Variants in PPP6R3 observed in about 807,000 individuals in gnomAD.
PPP6R3 encodes the protein serine/threonine-protein phosphatase 6 regulatory subunit 3.
Under a neutral mutation model 110.7 loss-of-function variants are expected in PPP6R3, and 38 were observed. The observed-to-expected ratio is 0.34, with a 90% CI of 0.26 to 0.45. PPP6R3 has a LOEUF of 0.45. Ranked by LOEUF, PPP6R3 falls within the 20% of genes least tolerant of loss-of-function variation. PPP6R3 has a pLI of 1.00. For synonymous variants in PPP6R3, 369 were observed against 373.5 expected (o/e 0.99, Z 0.14); for missense variants, 870 against 1,062.4 (o/e 0.82, Z 2.52).
At chr11:68,564,517 C>A in intron 9 of PPP6R3, 85 bp downstream of exon 9, 1 of 1,442,168 alleles carries the variant, frequency 6.9e-7, no homozygotes, top group Non-Finnish European at 9.5e-7. Context: ...TTAGGAGTGG[C>A]AGAACTGGCT....
rs956184081 is a variant in PPP6R3, at chr11:68,609,710, G to A, written c.2451-194G>A. On this transcript the variant is annotated intron_variant, in intron 22 of 23. Coordinates refer to ENST00000393800, the MANE Select transcript of PPP6R3 (RefSeq NM_001164161.2). The stretch of plus-strand genomic sequence containing the variant: ...CCTGTTTTGGTTCCCACCTGTGTGC[G>A]ACCCTTTCCTTTTGTGATTCCCCAG... 29 of 1,573,204 alleles carry A rather than the reference G, an allele frequency of 1.8e-5. No individual in the cohort carries two copies. In the South Asian group the frequency reaches 2.0e-4, roughly 11 times the overall value.
chr11:68,472,056 T>C (rs2098795786), intron 1 of PPP6R3, among the ~76,000 whole-genome samples: 1 of 152,158 alleles, frequency 6.6e-6, no homozygotes, highest in Non-Finnish European at 1.5e-5. Context: ...TGGAATGGCC[T>C]ACCTGAGGGT....
At chr11:68,465,456 A>G (rs566573980) in intron 1 of PPP6R3, among the ~76,000 whole-genome samples, 2 of 152,330 alleles carry the variant, frequency 1.3e-5, no homozygotes, top group East Asian at 3.9e-4. Context: ...TAGTTTATGG[A>G]ATGGAAGAAT....
At chr11:68,482,939 T>C (rs866453854) in intron 1 of PPP6R3, among the ~76,000 whole-genome samples, 22 of 152,304 alleles carry the variant, frequency 1.4e-4, no homozygotes, top group Admixed American at 6.5e-4. Context: ...GGTCTACCTC[T>C]TTCTTTTTAA....
intron 18 of PPP6R3, among the ~76,000 whole-genome samples, chr11:68,592,656 G>C (rs2099599069): frequency 6.6e-6 from 1 of 152,162 alleles, no homozygotes; most frequent in African/African-American, 2.4e-5. Flanking sequence ...ATTTATTCCT[G>C]CTCTCGTCTT....
chr11:68,585,250 C>G (rs915223123), intron 15 of PPP6R3, among the ~76,000 whole-genome samples: 1 of 152,190 alleles, frequency 6.6e-6, no homozygotes, highest in Non-Finnish European at 1.5e-5. Context: ...GTGAGGCCCC[C>G]ATGGAGGTCT....
chr11:68,484,712 G>A (rs879411047), intron 1 of PPP6R3, among the ~76,000 whole-genome samples: 12 of 151,724 alleles, frequency 7.9e-5, no homozygotes, highest in Non-Finnish European at 1.8e-4. Context: ...CTCAGCCTCC[G>A]GAGTAGCTGA....
At chr11:68,485,690 G>T (rs2153408753) in intron 1 of PPP6R3, among the ~76,000 whole-genome samples, 1 of 152,058 alleles carries the variant, frequency 6.6e-6, no homozygotes, top group South Asian at 2.1e-4. Context: ...TTAATTAATT[G>T]ATTTAAAAAA....
intron 3 of PPP6R3, among the ~76,000 whole-genome samples, chr11:68,541,649 C>T (rs1055761516): frequency 2.0e-5 from 3 of 152,100 alleles, no homozygotes; most frequent in Non-Finnish European, 2.9e-5. Flanking sequence ...ACATGTAAAG[C>T]CACAAGGCTG....
chr11:68,567,764 G>A (rs943885390), intron 10 of PPP6R3, among the ~76,000 whole-genome samples: 3 of 152,122 alleles, frequency 2.0e-5, no homozygotes, highest in Admixed American at 6.5e-5. Flanking sequence ...CACAGAAAGC[G>A]CGAGGGTTAA....
At chr11:68,542,865 G>A (rs974778795) in intron 3 of PPP6R3, among the ~76,000 whole-genome samples, 11 of 152,150 alleles carry the variant, frequency 7.2e-5, no homozygotes, top group African/African-American at 2.7e-4. Context: ...TTGCTCATCT[G>A]GACTTTCTCT....
intron 9 of PPP6R3, among the ~76,000 whole-genome samples, chr11:68,565,559 G>GAAGAC (rs2153747747): frequency 6.6e-6 from 1 of 152,110 alleles, no homozygotes; most frequent in Non-Finnish European, 1.5e-5. Context: ...ATCACAAGTG[G>GAAGAC]AAGACGGAGG....
At chr11:68,553,308 T>A (rs76942608) in intron 6 of PPP6R3, among the ~76,000 whole-genome samples, 1 of 152,016 alleles carries the variant, frequency 6.6e-6, no homozygotes, top group South Asian at 2.1e-4. Context: ...TTTTTTTTTT[T>A]TTGAGACGGA....
chr11:68,592,371 G>C (rs2099598154), intron 18 of PPP6R3, among the ~76,000 whole-genome samples: 2 of 152,122 alleles, frequency 1.3e-5, no homozygotes, highest in Non-Finnish European at 2.9e-5. Context: ...CTTATAATAA[G>C]TAATGTTTTC....
chr11:68,558,375 C>T (rs982517126), intron 7 of PPP6R3, 191 bp from the exon 8 acceptor site: 9 of 395,096 alleles, frequency 2.3e-5, no homozygotes, highest in East Asian at 9.7e-5. Flanking sequence ...TGTTTGTGTG[C>T]GGGTGCATGT....
At chr11:68,460,955 C>T (rs1375505520) in intron 1 of PPP6R3, 128 bp downstream of exon 1, 1 of 150,968 alleles carries the variant, frequency 6.6e-6, no homozygotes, top group Non-Finnish European at 1.5e-5. Context: ...CCTCTCCCCT[C>T]CCCCCCCGGA....
chr11:68,540,173 G>GAGCAAATGTGTGC (rs2099304791), intron 3 of PPP6R3, among the ~76,000 whole-genome samples: 1 of 152,238 alleles, frequency 6.6e-6, no homozygotes, highest in African/African-American at 2.4e-5. Context: ...AGAGGGTTTT[G>GAGCAAATGTGTGC]AGCAAATGTG....
intron 1 of PPP6R3, among the ~76,000 whole-genome samples, chr11:68,497,148 G>A (rs1171578217): frequency 4.6e-5 from 7 of 151,352 alleles, no homozygotes; most frequent in African/African-American, 1.5e-4. Flanking sequence ...CCGGGTTCAC[G>A]CCATTCTCCT....
chr11:68,586,210 A>G (rs761316651), intron 15 of PPP6R3: 1 of 152,224 alleles, frequency 6.6e-6, no homozygotes, highest in Non-Finnish European at 1.5e-5. Context: ...AGCGTGGTTC[A>G]TGCTGCTTAC....
Sources: gnomAD v4.1 joint callset for allele counts (sites outside exome capture counted in the v4.1 genomes callset) on GRCh38, gnomAD v4.1.1 for gene constraint, MANE v1.5 for transcripts, NCBI Gene and HGNC (gene_info 2026-07-23, HGNC 2026-07-21) for gene names.